CADPS: variants seen among roughly 807,000 people sequenced by gnomAD.
The protein encoded by CADPS is calcium-dependent secretion activator 1.
In CADPS, 57 loss-of-function variants were observed where a neutral mutation model predicts 167.3. That is an observed-to-expected ratio of 0.34 (90% CI 0.28 to 0.42). The LOEUF is 0.42. Among genes scored for constraint, CADPS ranks in the 20% least tolerant of loss-of-function variants. CADPS has a pLI of 1.00. For missense variants in CADPS, 1,414 were observed against 1,738.1 expected, an observed-to-expected ratio of 0.81 and a Z score of 3.32; for synonymous variants, 676 against 635.3, an observed-to-expected ratio of 1.06 and a Z score of -0.96.
At chr3:62,549,841 C>A in intron 11 of CADPS, 62 bp downstream of exon 11, 3 of 1,303,174 alleles carry the variant, frequency 2.3e-6, no homozygotes, top group Non-Finnish European at 3.2e-6. Flanking sequence ...TTTTCTAATT[C>A]AACTTTGGAA....
chr3:62,711,200 ACAT>A (rs2083333636), intron 3 of CADPS, among the ~76,000 whole-genome samples: 1 of 152,350 alleles, frequency 6.6e-6, no homozygotes, highest in Admixed American at 6.5e-5. Flanking sequence ...ATAATTTTAA[ACAT>A]CATTTTTAAT....
At chr3:62,523,264 T>C (rs2071190679) in intron 13 of CADPS, among the ~76,000 whole-genome samples, 1 of 152,200 alleles carries the variant, frequency 6.6e-6, no homozygotes, top group African/African-American at 2.4e-5. Flanking sequence ...CAAATTGTTC[T>C]CTTTTTCCCA....
At chr3:62,471,970 A>G (rs2060676309) in intron 24 of CADPS, among the ~76,000 whole-genome samples, 3 of 152,216 alleles carry the variant, frequency 2.0e-5, no homozygotes, top group African/African-American at 7.2e-5. Context: ...AAATGGGCAA[A>G]AGATTTTGAA....
intron 20 of CADPS, among the ~76,000 whole-genome samples, chr3:62,492,073 C>A (rs2063835084): frequency 6.6e-6 from 1 of 152,112 alleles, no homozygotes; most frequent in African/African-American, 2.4e-5. Context: ...TCAGGTTATT[C>A]TGTCTAGTTA....
At chr3:62,615,335 G>A (rs1010930897) in intron 6 of CADPS, among the ~76,000 whole-genome samples, 4 of 152,242 alleles carry the variant, frequency 2.6e-5, no homozygotes, top group African/African-American at 7.2e-5. Context: ...AGCTTTGAAA[G>A]GGTTACTACA....
chr3:62,833,193 T>A (rs528601650), intron 1 of CADPS, among the ~76,000 whole-genome samples: 1 of 152,180 alleles, frequency 6.6e-6, no homozygotes, highest in East Asian at 1.9e-4. Flanking sequence ...TTTGCTCTAT[T>A]GCCCGGGCTG....
At chr3:62,517,183 T>C (rs1211430312) in intron 14 of CADPS, among the ~76,000 whole-genome samples, 1 of 152,118 alleles carries the variant, frequency 6.6e-6, no homozygotes, top group African/African-American at 2.4e-5. Context: ...CAATAAAGAT[T>C]TATCCAGGAG....
intron 2 of CADPS, among the ~76,000 whole-genome samples, chr3:62,759,828 C>T (rs578151868): frequency 9.4e-4 from 143 of 152,212 alleles, no homozygotes; most frequent in African/African-American, 3.4e-3. Context: ...GCATGTTTTA[C>T]TTTCACGGTC....
intron 4 of CADPS, among the ~76,000 whole-genome samples, chr3:62,654,736 C>T (rs542400136): frequency 6.6e-6 from 1 of 152,130 alleles, no homozygotes; most frequent in South Asian, 2.1e-4. Flanking sequence ...ATACTGGGGC[C>T]AAAACCTCAG....
chr3:62,628,596 A>ACACTCT (rs1397258174), intron 6 of CADPS, among the ~76,000 whole-genome samples: 7 of 138,208 alleles, frequency 5.1e-5, no homozygotes, highest in Admixed American at 7.3e-5. Context: ...ACACACACAC[A>ACACTCT]CTCTCTCTCT....
In CADPS at chr3:62,875,061, C is replaced by T. The variant is rs113005479; in HGVS notation, c.-32G>A. ...GCCTGGGGAGCGGGGTCTCTGGAGC[C>T]CCCGGCTTGGAGTGCAAAAGGTGGG... On this transcript the variant is annotated 5_prime_UTR_variant, in exon 1 of 30. Coordinates refer to ENST00000383710, the MANE Select transcript of CADPS (RefSeq NM_003716.4). The T allele has an allele frequency of 2.6e-6, 4 of 1,559,662 alleles. No homozygotes were observed. In the East Asian group the frequency reaches 7.6e-5, roughly 30 times the overall value.
chr3:62,531,372 G>A (rs1006212702), intron 13 of CADPS, among the ~76,000 whole-genome samples: 1 of 152,098 alleles, frequency 6.6e-6, no homozygotes, highest in South Asian at 2.1e-4. Flanking sequence ...GCAAATAAAA[G>A]GTCACGTGCT....
intron 7 of CADPS, among the ~76,000 whole-genome samples, chr3:62,589,381 T>A (rs1259813179): frequency 2.0e-5 from 3 of 152,202 alleles, no homozygotes; most frequent in Non-Finnish European, 4.4e-5. Context: ...TAAACTAGCA[T>A]CTGGGGGAAT....
chr3:62,592,766 G>C lies in CADPS; in HGVS notation c.1326-18C>G. 1 of 1,581,870 alleles carries C rather than the reference G, an allele frequency of 6.3e-7. No individual in the cohort carries two copies. Among genetic ancestry groups the C allele is most frequent in the Non-Finnish European group, 8.7e-7 (1 of 1,150,898 alleles). On this transcript the variant is annotated intron_variant, in intron 6 of 29. Coordinates refer to ENST00000383710, the MANE Select transcript of CADPS (RefSeq NM_003716.4). ...TGCCCCAGCTGCAGACAGAATCAAA[G>C]AGGTCATTGTAGACATATCTGCCTT... is the stretch of plus-strand genomic sequence containing the variant.
chr3:62,660,932 A>G (rs563243047), intron 4 of CADPS, among the ~76,000 whole-genome samples: 1 of 152,314 alleles, frequency 6.6e-6, no homozygotes, highest in Admixed American at 6.5e-5. Flanking sequence ...GGTGTGCCAC[A>G]ATCTCTTTGC....
intron 1 of CADPS, among the ~76,000 whole-genome samples, chr3:62,843,830 T>C (rs1193717240): frequency 6.6e-6 from 1 of 151,828 alleles, no homozygotes; most frequent in East Asian, 1.9e-4. Flanking sequence ...GACTGAAGTT[T>C]TGCCAGCTTA....
intron 1 of CADPS, among the ~76,000 whole-genome samples, chr3:62,778,186 T>A (rs1201200839): frequency 1.3e-5 from 2 of 152,204 alleles, no homozygotes; most frequent in Non-Finnish European, 1.5e-5. Flanking sequence ...ATGGACAAAC[T>A]ATATATTTCA....
chr3:62,718,310 A>T (rs868664073), intron 3 of CADPS, among the ~76,000 whole-genome samples: 35 of 152,114 alleles, frequency 2.3e-4, no homozygotes, highest in Admixed American at 3.9e-4. Flanking sequence ...ACATTTTTTT[A>T]AAAAAATCTA....
At chr3:62,862,174 A>G (rs776169959) in intron 1 of CADPS, among the ~76,000 whole-genome samples, 47 of 151,982 alleles carry the variant, frequency 3.1e-4, no homozygotes, top group Non-Finnish European at 6.0e-4. Flanking sequence ...ATTAATTGTT[A>G]AATTTAGTCC....
Sources: allele counts gnomAD v4.1 joint callset (sites outside exome capture counted in the v4.1 genomes callset), GRCh38; gene constraint gnomAD v4.1.1; transcripts MANE v1.5; gene names NCBI Gene and HGNC (gene_info 2026-07-23, HGNC 2026-07-21).